GNPTAB: variants seen among roughly 807,000 people sequenced by gnomAD.
The protein encoded by GNPTAB is N-acetylglucosamine-1-phosphate transferase subunits alpha and beta, also known as N-acetylglucosamine-1-phosphotransferase subunits alpha/beta.
GNPTAB carries 92 observed loss-of-function variants against 136.6 expected under a neutral mutation model. The ratio of observed to expected loss-of-function variants is 0.67; its 90% CI spans 0.57 to 0.80. The LOEUF (loss-of-function observed/expected upper bound fraction) is 0.80, where lower values mean the gene tolerates loss of function less well. Ranked by LOEUF, GNPTAB falls within the 30% of genes least tolerant of loss-of-function variation. GNPTAB has a pLI of 0.00. For synonymous variants in GNPTAB, 512 were observed against 535.1 expected (o/e 0.96, Z 0.60); for missense variants, 1,343 against 1,501.8 (o/e 0.89, Z 1.75).
At position 101,770,522 on chromosome 12, in the gene GNPTAB, A is replaced by G. The variant is rs777743458; in HGVS notation, c.997T>C (p.Leu333=). The change falls in exon 9 of 21, where the codon TTG becomes CTG. Residue 333 remains leucine (L), a synonymous_variant. Coordinates refer to ENST00000299314, the MANE Select transcript of GNPTAB (RefSeq NM_024312.5). ...GGTGCATGCCTCTCGATAGATCGCA[A>G]TGAGTACCTCAGTTCTTCGTTATCT... ...FEDNEELRYS[L]RSIERHAPWV... is the part of the protein sequence containing the mutation. 7 of 1,613,494 alleles carry G rather than the reference A, an allele frequency of 4.3e-6. No individual in the cohort carries two copies. Among genetic ancestry groups the G allele is most frequent in the African/African-American group, 2.7e-5 (2 of 75,042 alleles).
intron 1 of GNPTAB, among the ~76,000 whole-genome samples, chr12:101,816,600 T>C (rs1202374435): frequency 6.6e-6 from 1 of 152,210 alleles, no homozygotes; most frequent in East Asian, 1.9e-4. Context: ...TTAGTGGGAA[T>C]GTAAATTAGT....
At chr12:101,788,872 A>G (rs928454195) in intron 3 of GNPTAB, among the ~76,000 whole-genome samples, 1 of 152,374 alleles carries the variant, frequency 6.6e-6, no homozygotes, top group Admixed American at 6.5e-5. Flanking sequence ...AACGAATCAA[A>G]GGGGAATTAC....
chr12:101,746,919 G>A lies in GNPTAB; in HGVS notation c.*245C>T, dbSNP rs977690837. On this transcript the variant is annotated 3_prime_UTR_variant, in exon 21 of 21. Coordinates refer to ENST00000299314, the MANE Select transcript of GNPTAB (RefSeq NM_024312.5). The stretch of plus-strand genomic sequence containing the variant: ...GAGCCTTTTTATAAAAAGGATGACA[G>A]GTCCATGAGCAAATTCTTTAAAAGT... 2.9e-5 allele frequency: 13 copies of A among 449,454 alleles called. No individual in the cohort carries two copies. Among genetic ancestry groups the A allele is most frequent in the Non-Finnish European group, 5.3e-5 (13 of 247,322 alleles). 27.8% of individuals were successfully genotyped at this position (449,454 alleles called of 1,614,324 possible). A position where few individuals can be genotyped will look rare whatever the true frequency, so the allele number is the denominator to read the frequency against.
At chr12:101,796,804 T>A in intron 1 of GNPTAB, 42 bp from the exon 2 acceptor site, 2 of 1,214,248 alleles carry the variant, frequency 1.6e-6, no homozygotes, top group South Asian at 1.2e-5. Context: ...CATCAAAGAC[T>A]AAGAGTATAT....
chr12:101,784,849 T>C (rs77846710), intron 5 of GNPTAB, among the ~76,000 whole-genome samples: 10,199 of 152,112 alleles, frequency 0.067, 426 homozygotes, highest in East Asian at 0.12. Flanking sequence ...AGCTTTCATT[T>C]TACACATAAA....
intron 1 of GNPTAB, among the ~76,000 whole-genome samples, chr12:101,811,741 T>C (rs1870248675): frequency 6.6e-6 from 1 of 150,884 alleles, no homozygotes; most frequent in Non-Finnish European, 1.5e-5. Flanking sequence ...CGGGTTCAAG[T>C]GATTCTCTTG....
chr12:101,826,225 C>G (rs4764824), intron 1 of GNPTAB, among the ~76,000 whole-genome samples: 42,888 of 152,030 alleles, frequency 0.28, 6,582 homozygotes, highest in East Asian at 0.61. Flanking sequence ...AGAGAGGTCA[C>G]GGAAAAATTA....
chr12:101,796,140 G>A (rs1869268455), intron 2 of GNPTAB: 1 of 687,954 alleles, frequency 1.5e-6, no homozygotes, highest in Non-Finnish European at 2.6e-6. Flanking sequence ...GGTTTACTGG[G>A]GAGTGGTCCC....
chr12:101,790,204 G>A, intron 2 of GNPTAB, 147 bp from the exon 3 acceptor site: 1 of 1,094,966 alleles, frequency 9.1e-7, no homozygotes, highest in Non-Finnish European at 1.4e-6. Flanking sequence ...AGAACTGCAT[G>A]TTTTCAAACT....
intron 1 of GNPTAB, among the ~76,000 whole-genome samples, chr12:101,822,014 C>T (rs911429727): frequency 2.0e-5 from 3 of 152,170 alleles, no homozygotes; most frequent in African/African-American, 4.8e-5. Flanking sequence ...AGCAACCAAA[C>T]GGAATGAAGA....
rs532229649 is a variant in GNPTAB, at chr12:101,760,198, G to A, written c.3136-55C>T. ...ATGCGCATTGTAAGTAATGACTGTG[G>A]TTTTAAAAATAAAAATTAAGTGAAA... On this transcript the variant is annotated intron_variant, in intron 15 of 20. Transcript: ENST00000299314. 3 of 1,101,914 alleles carry A rather than the reference G, an allele frequency of 2.7e-6. No individual in the cohort carries two copies. In the South Asian group the frequency reaches 3.7e-5, roughly 14 times the overall value. The allele number at this position is 1,101,914 out of a possible 1,614,324, so 68.3% of individuals were successfully genotyped here. A position where few individuals can be genotyped will look rare whatever the true frequency, so the allele number is the denominator to read the frequency against.
intron 1 of GNPTAB, among the ~76,000 whole-genome samples, chr12:101,816,564 G>A (rs1041415599): frequency 6.6e-6 from 1 of 152,118 alleles, no homozygotes. Flanking sequence ...GCAAGGACTT[G>A]GCAAAAAGGC....
chr12:101,784,319 C>G (rs1566084586), intron 5 of GNPTAB, among the ~76,000 whole-genome samples: 1 of 152,168 alleles, frequency 6.6e-6, no homozygotes, highest in Non-Finnish European at 1.5e-5. Flanking sequence ...AGGGGACAGG[C>G]AGTGGGACAC....
chr12:101,795,403 C>T (rs12322453), intron 2 of GNPTAB, among the ~76,000 whole-genome samples: 20,316 of 152,156 alleles, frequency 0.13, 1,806 homozygotes, highest in East Asian at 0.48. Context: ...TAATTATCCA[C>T]ATTTGCCATA....
rs78912835 is a variant in GNPTAB, at chr12:101,792,567, T to G, written c.204-2510A>C. Among the ~76,000 whole-genome samples, 5 of 152,328 alleles carry G rather than the reference T, an allele frequency of 3.3e-5. No individual in the cohort carries two copies. The East Asian group carries it at 9.6e-4, about 29-fold the overall frequency. On this transcript the variant is annotated intron_variant, in intron 2 of 20. Transcript: ENST00000299314. ...ACTTGCAGGACTTTGTACCTTTGAA[T>G]ATGCTTTTCCTTCTGCCTAGAACAT...
At chr12:101,805,726 T>TA (rs890711377) in intron 1 of GNPTAB, among the ~76,000 whole-genome samples, 2 of 152,222 alleles carry the variant, frequency 1.3e-5, no homozygotes, top group East Asian at 1.9e-4. Flanking sequence ...CTAGGCCATT[T>TA]AAAAAAATTG....
Position 101,757,599 on chromosome 12 carries a change from T to C in GNPTAB, c.3308A>G (p.Lys1103Arg). The change falls in exon 17 of 21, where the codon AAA becomes AGA. Residue 1103 changes from lysine to arginine, a missense_variant. Transcript: ENST00000299314. ...NCKPVTDKIH[K>R]AYKDKNKYRF... ...ATATTTGTTTTTGTCCTTATATGCTTTGTGGATTTTGTCAGTTACTGGTTT... is the reference window on the plus strand; with the variant it reads ...ATATTTGTTTTTGTCCTTATATGCTCTGTGGATTTTGTCAGTTACTGGTTT... The C allele has an allele frequency of 6.3e-7, 1 of 1,575,642 alleles. No individual in the cohort carries two copies. The highest frequency in any genetic ancestry group is 8.7e-7 in the Non-Finnish European group (1 of 1,145,188).
In GNPTAB at chr12:101,771,011, C is replaced by T; in HGVS notation, c.918G>A (p.Leu306=). The T allele has an allele frequency of 6.2e-7, 1 of 1,614,128 alleles. No individual in the cohort carries two copies. Among genetic ancestry groups the T allele is most frequent in the East Asian group, 2.2e-5 (1 of 44,884 alleles). The change falls in exon 8 of 21, where the codon CTG becomes CTA. Residue 306 remains leucine, a synonymous_variant. Transcript: ENST00000299314. ...TISPAYLLWD[L]SAISQSKQDE... is the part of the protein sequence containing the mutation. ...CATCCCTTACCTGGCTGATGGCGCT[C>T]AGATCCCATAATAAATATGCAGGAC...
intron 7 of GNPTAB, among the ~76,000 whole-genome samples, chr12:101,775,365 C>CTTT (rs56347934): frequency 7.5e-4 from 108 of 143,352 alleles, no homozygotes; most frequent in African/African-American, 2.5e-3. Flanking sequence ...TCTTTTTTTT[C>CTTT]TTTTTTTTTT....
Sources: allele counts gnomAD v4.1 joint callset (sites outside exome capture counted in the v4.1 genomes callset), GRCh38; gene constraint gnomAD v4.1.1; transcripts MANE v1.5; gene names NCBI Gene and HGNC (gene_info 2026-07-23, HGNC 2026-07-21).